SOX6: variants seen among roughly 807,000 people sequenced by gnomAD.
SOX6 encodes SRY-box transcription factor 6.
Under a neutral mutation model 97.8 loss-of-function variants are expected in SOX6, and 11 were observed. The observed-to-expected ratio is 0.11, with a 90% confidence interval of 0.07 to 0.19. SOX6 has a LOEUF of 0.19. SOX6 is among the 10% of genes least tolerant of loss of function. The probability of loss-of-function intolerance (pLI) is 1.00; values close to 1 mark genes in which losing one functional copy is unlikely to be tolerated. For synonymous variants in SOX6, 360 were observed against 371.4 expected (o/e 0.97, Z 0.35); for missense variants, 810 against 1,039.5 (o/e 0.78, Z 3.04).
At chr11:16,135,058 C>G (rs202003741) in intron 6 of SOX6, among the ~76,000 whole-genome samples, 1 of 152,132 alleles carries the variant, frequency 6.6e-6, no homozygotes, top group East Asian at 1.9e-4. Flanking sequence ...ATTTACCTTG[C>G]CTGTGCTCTA....
chr11:16,621,446 G>C (rs552460185), intron 3 of SOX6, among the ~76,000 whole-genome samples: 51 of 152,106 alleles, frequency 3.4e-4, no homozygotes, highest in Non-Finnish European at 7.2e-4. Flanking sequence ...TGACTGTCAT[G>C]GTCATTCAAA....
chr11:16,630,781 T>C (rs1848695719), intron 3 of SOX6, among the ~76,000 whole-genome samples: 2 of 152,200 alleles, frequency 1.3e-5, no homozygotes, highest in African/African-American at 4.8e-5. Flanking sequence ...ATTGGATGTG[T>C]TATATGTAGG....
intron 12 of SOX6, among the ~76,000 whole-genome samples, chr11:16,035,102 T>C (rs550111004): frequency 1.6e-4 from 24 of 152,144 alleles, no homozygotes; most frequent in Non-Finnish European, 2.4e-4. Context: ...ACATGAACAC[T>C]CACAGAGTTA....
At chr11:16,359,521 A>G (rs1302969785), upstream of SOX6, among the ~76,000 whole-genome samples, 3 of 152,094 alleles carry the variant, frequency 2.0e-5, no homozygotes, top group Non-Finnish European at 4.4e-5. Context: ...AAGGTTGTAT[A>G]TATGTTTATG....
At chr11:16,077,288 C>T (rs1848376833) in intron 9 of SOX6, among the ~76,000 whole-genome samples, 1 of 152,112 alleles carries the variant, frequency 6.6e-6, no homozygotes, top group Non-Finnish European at 1.5e-5. Context: ...GATGCCATCT[C>T]CCACCAGTCA....
chr11:16,540,219 C>A (rs965202435), intron 4 of SOX6, among the ~76,000 whole-genome samples: 3 of 152,228 alleles, frequency 2.0e-5, no homozygotes, highest in South Asian at 2.1e-4. Flanking sequence ...ACAACAAAAA[C>A]CACATGATTA....
At chr11:16,183,638 T>A (rs1019822638) in intron 6 of SOX6, among the ~76,000 whole-genome samples, 1 of 151,998 alleles carries the variant, frequency 6.6e-6, no homozygotes, top group Non-Finnish European at 1.5e-5. Context: ...GTAAGTAGTG[T>A]TAGGCAAAAG....
At chr11:16,342,725 CA>C (rs1440638957) in intron 1 of SOX6, among the ~76,000 whole-genome samples, 23 of 151,844 alleles carry the variant, frequency 1.5e-4, no homozygotes, top group Admixed American at 1.5e-3. Flanking sequence ...AAATTTCTCA[CA>C]ATTAATGAGG....
At chr11:16,028,473 A>G (rs183078611) in intron 12 of SOX6, among the ~76,000 whole-genome samples, 18 of 152,326 alleles carry the variant, frequency 1.2e-4, no homozygotes, top group Admixed American at 8.5e-4. Flanking sequence ...ATTCCATTGA[A>G]TTCGTGAAGC....
intron 7 of SOX6, among the ~76,000 whole-genome samples, chr11:16,103,489 A>T (rs1849000572): frequency 6.6e-6 from 1 of 152,044 alleles, no homozygotes; most frequent in African/African-American, 2.4e-5. Flanking sequence ...AAGTAGACCT[A>T]CTGTTTGATC....
At chr11:16,270,653 A>AC (rs1341593831) in intron 3 of SOX6, among the ~76,000 whole-genome samples, 5 of 115,494 alleles carry the variant, frequency 4.3e-5, no homozygotes, top group East Asian at 4.8e-4. Flanking sequence ...ACACACACAC[A>AC]AACACACACA....
At chr11:16,250,099 C>A (rs2134197870) in intron 3 of SOX6, among the ~76,000 whole-genome samples, 1 of 152,228 alleles carries the variant, frequency 6.6e-6, no homozygotes, top group Non-Finnish European at 1.5e-5. Context: ...TGGTACCAGC[C>A]TTACTGGTAC....
chr11:16,221,328 A>G (rs1372316107), intron 4 of SOX6, among the ~76,000 whole-genome samples: 1 of 152,110 alleles, frequency 6.6e-6, no homozygotes. Context: ...CAAAAAAACT[A>G]ATGTCACTTA....
intron 6 of SOX6, among the ~76,000 whole-genome samples, chr11:16,124,977 C>G (rs1421159790): frequency 1.3e-5 from 2 of 151,960 alleles, no homozygotes; most frequent in Admixed American, 6.6e-5. Flanking sequence ...TCTTATATAT[C>G]CTCTCCGCTC....
At chr11:16,500,228 G>T (rs979232247) in intron 4 of SOX6, among the ~76,000 whole-genome samples, 1 of 152,166 alleles carries the variant, frequency 6.6e-6, no homozygotes, top group Non-Finnish European at 1.5e-5. Context: ...TACCTCAATA[G>T]ATGCAGAAAA....
intron 6 of SOX6, among the ~76,000 whole-genome samples, chr11:16,155,954 T>A (rs956978330): frequency 2.0e-5 from 3 of 152,050 alleles, no homozygotes; most frequent in African/African-American, 7.2e-5. Context: ...AAGACCAAAG[T>A]TCCAGAAAGT....
chr11:16,357,804 A>T (rs1162012578), upstream of SOX6, among the ~76,000 whole-genome samples: 1 of 152,192 alleles, frequency 6.6e-6, no homozygotes, highest in African/African-American at 2.4e-5. Flanking sequence ...GAAATCCCAT[A>T]ATAACTAGCT....
intron 12 of SOX6, among the ~76,000 whole-genome samples, chr11:16,033,187 G>A (rs190960689): frequency 1.4e-3 from 210 of 152,216 alleles, no homozygotes; most frequent in African/African-American, 4.7e-3. Flanking sequence ...GCTCTGTGAC[G>A]TCATGTGGTT....
chr11:16,373,889 G>A (rs56117765), intron 1 of SOX6, among the ~76,000 whole-genome samples: 1,125 of 13,960 alleles, frequency 0.081, 102 homozygotes, highest in Non-Finnish European at 0.1. Context: ...GGAAGGAAGG[G>A]AGGGAGGGAG....
Sources: allele counts gnomAD v4.1 joint callset (sites outside exome capture counted in the v4.1 genomes callset), GRCh38; gene constraint gnomAD v4.1.1; transcripts MANE v1.5; gene names NCBI Gene and HGNC (gene_info 2026-07-23, HGNC 2026-07-21).